The following KLC1 variants were observed in gnomAD, a reference collection of about 807,000 sequenced individuals.
KLC1 encodes the protein kinesin light chain 1.
A neutral mutation model predicts 84.2 loss-of-function variants in KLC1; 30 were observed. The observed-to-expected ratio is 0.36, with a 90% confidence interval of 0.27 to 0.48. The LOEUF (loss-of-function observed/expected upper bound fraction) is 0.48, where lower values mean the gene tolerates loss of function less well. Ranked by LOEUF, KLC1 falls within the 20% of genes least tolerant of loss-of-function variation. The probability of loss-of-function intolerance (pLI) is 0.99; values close to 1 mark genes in which losing one functional copy is unlikely to be tolerated. For synonymous variants in KLC1, 289 were observed against 293.3 expected (o/e 0.99, Z 0.15); for missense variants, 499 against 805.4 (o/e 0.62, Z 4.60).
At chr14:103,636,791 C>T (rs1451819422) in intron 1 of KLC1, among the ~76,000 whole-genome samples, 1 of 151,988 alleles carries the variant, frequency 6.6e-6, no homozygotes, top group African/African-American at 2.4e-5. Flanking sequence ...GGCGCGATCT[C>T]GGCTCACTGC....
chr14:103,694,154 G>A lies in KLC1; in HGVS notation c.1848+1729G>A. 2.0e-6 allele frequency: 2 copies of A among 985,858 alleles called. No homozygotes were observed. Among genetic ancestry groups the A allele is most frequent in the Non-Finnish European group, 2.4e-6 (2 of 830,302 alleles). 61.1% of individuals were successfully genotyped at this position (985,858 alleles called of 1,614,324 possible). ...CATCTTCCGGGTCTCTCTTTCCAAG[G>A]TCCCCATGCCTGTGGCCCTGGGGCC... On this transcript the variant is annotated intron_variant, in intron 15 of 16. Transcript: ENST00000334553. This position sits in a 1 kb window ranked among gnomAD's most constrained non-coding sequence, Gnocchi z 4.5.
chr14:103,692,604 G>T (rs1163641710), intron 15 of KLC1, among the ~76,000 whole-genome samples, 179 bp downstream of exon 15: 5 of 152,158 alleles, frequency 3.3e-5, no homozygotes, highest in African/African-American at 1.2e-4. Flanking sequence ...CTTAACCACT[G>T]ATTATGTGAA....
At chr14:103,646,189 A>G (rs1440840992) in intron 1 of KLC1, among the ~76,000 whole-genome samples, 1 of 152,232 alleles carries the variant, frequency 6.6e-6, no homozygotes, top group Non-Finnish European at 1.5e-5. Context: ...CATATCTATC[A>G]GGGAGTTAGT....
intron 14 of KLC1, among the ~76,000 whole-genome samples, chr14:103,691,929 C>A (rs1436716768): frequency 6.6e-6 from 1 of 152,022 alleles, no homozygotes; most frequent in Non-Finnish European, 1.5e-5. Flanking sequence ...TGCCACCACG[C>A]CTGGCTAATT....
chr14:103,672,058 C>T (rs746756317), intron 7 of KLC1, among the ~76,000 whole-genome samples: 2 of 152,158 alleles, frequency 1.3e-5, no homozygotes, highest in African/African-American at 4.8e-5. Flanking sequence ...GACTGAGGAC[C>T]GCAGAGGGCA....
At chr14:103,650,736 G>A (rs1290526621) in intron 1 of KLC1, among the ~76,000 whole-genome samples, 3 of 151,696 alleles carry the variant, frequency 2.0e-5, no homozygotes, top group East Asian at 1.9e-4. Flanking sequence ...CTGCCACCAC[G>A]CCTGGCTAAT....
Position 103,692,377 on chromosome 14 carries a change from T to C in KLC1, c.1800T>C (p.Ser600=). ...PKNPGMKRAS[S]LNVLNVGGKA... Reference sequence around the variant, plus strand: ...GTTGCAGCATGAAGCGTGCCAGCTCTCTGAATGTCCTTAACGTGGGTGGCA... The same window carrying C: ...GTTGCAGCATGAAGCGTGCCAGCTCCCTGAATGTCCTTAACGTGGGTGGCA... Residue 600 remains serine, a synonymous_variant, in exon 15 of 17, where the codon TCT becomes TCC. Transcript: ENST00000334553. 2.6e-6 allele frequency: 4 copies of C among 1,536,720 alleles called. No individual in the cohort carries two copies. Among genetic ancestry groups the C allele is most frequent in the Non-Finnish European group, 3.5e-6 (4 of 1,147,040 alleles).
Position 103,670,274 on chromosome 14 carries a change from C to A in KLC1, c.978C>A (p.Ile326=). 6.2e-7 allele frequency: 1 copy of A among 1,608,968 alleles called. No homozygotes were observed. The highest frequency in any genetic ancestry group is 8.5e-7 in the Non-Finnish European group (1 of 1,176,840). ...CGTTGTGTAAAAGAGCTCTGGAAATCCGAGAAAAGGTACAAAAGAAGGGGG... is the reference window on the plus strand; with the variant it reads ...CGTTGTGTAAAAGAGCTCTGGAAATACGAGAAAAGGTACAAAAGAAGGGGG... ...AEPLCKRALE[I]REKVLGKDHP... The change falls in exon 7 of 17, where the codon ATC becomes ATA. Residue 326 remains isoleucine (I), a synonymous_variant. Transcript: ENST00000334553.
At chr14:103,669,458 A>C (rs1451192385) in intron 5 of KLC1, 53 bp from the exon 6 acceptor site, 4 of 1,064,486 alleles carry the variant, frequency 3.8e-6, no homozygotes, top group South Asian at 1.4e-5. Flanking sequence ...AAAAGAAAAG[A>C]AAAGCTGTAG....
At chr14:103,672,138 G>A (rs1448339114) in intron 7 of KLC1, among the ~76,000 whole-genome samples, 1 of 152,160 alleles carries the variant, frequency 6.6e-6, no homozygotes, top group Non-Finnish European at 1.5e-5. Context: ...GAGCCAGGGG[G>A]TGTTGGGGAT....
intron 14 of KLC1, among the ~76,000 whole-genome samples, chr14:103,690,094 C>T (rs2082006599): frequency 6.6e-6 from 1 of 151,804 alleles, no homozygotes; most frequent in Admixed American, 6.6e-5. Context: ...GCAGGAGAAT[C>T]ACTGGAACCC....
intron 15 of KLC1, chr14:103,700,419 G>T (rs969421943): frequency 1.3e-5 from 6 of 462,746 alleles, no homozygotes; most frequent in Non-Finnish European, 2.3e-5. Context: ...CGCACAGCTT[G>T]GTGAGCCATG....
intron 15 of KLC1, chr14:103,696,093 C>CG (rs1189283194): frequency 7.7e-6 from 1 of 129,320 alleles, no homozygotes; most frequent in African/African-American, 1.1e-4. Flanking sequence ...AATCACTGCG[C>CG]CCCCGCCCCC....
rs8007603 is a variant in KLC1, at chr14:103,655,182, G to C, written c.261+357G>C. 2.0e-5 allele frequency among the ~76,000 whole-genome samples: 3 copies of C among 152,092 alleles called. No individual in the cohort carries two copies. The East Asian group carries it at 5.8e-4, about 30-fold the overall frequency. On this transcript the variant is annotated intron_variant, in intron 2 of 16. Transcript: ENST00000334553. The stretch of plus-strand genomic sequence containing the variant: ...GCAGAGGTTGCAGGGAGCCAAAATT[G>C]CATCACTGCACTCCAGCCTGGGTGA...
chr14:103,669,044 C>T (rs2080148959), intron 5 of KLC1, among the ~76,000 whole-genome samples: 1 of 151,440 alleles, frequency 6.6e-6, no homozygotes, highest in African/African-American at 2.4e-5. Context: ...TCCCAAAGTG[C>T]TGAGATTACA....
intron 1 of KLC1, among the ~76,000 whole-genome samples, chr14:103,630,809 A>G (rs954356273): frequency 2.6e-5 from 4 of 152,228 alleles, no homozygotes; most frequent in African/African-American, 9.7e-5. Flanking sequence ...TAGGCACTCT[A>G]AAGAGCCAGT....
intron 1 of KLC1, among the ~76,000 whole-genome samples, chr14:103,638,560 C>T (rs2077225320): frequency 6.6e-6 from 1 of 150,970 alleles, no homozygotes; most frequent in South Asian, 2.1e-4. Context: ...TGTAAGCTTT[C>T]CCCACCTGGC....
At chr14:103,654,504 A>G (rs1476549593) in intron 1 of KLC1, 60 bp from the exon 2 acceptor site, 2 of 1,393,608 alleles carry the variant, frequency 1.4e-6, no homozygotes, top group East Asian at 2.3e-5. Context: ...TATTTACTTG[A>G]TGTAACAGAA....
Position 103,657,686 on chromosome 14 carries a change from T to C in KLC1, c.402T>C (p.Ser134=). 1 of 1,613,810 alleles carries C rather than the reference T, an allele frequency of 6.2e-7. No homozygotes were observed. The highest frequency in any genetic ancestry group is 1.1e-5 in the South Asian group (1 of 91,058). ...ACACGCAGCAGAAACTGCAGAAGAG[T>C]GAGCAGTCTGTGGCTCAACTGGAGG... is the stretch of plus-strand genomic sequence containing the variant. ...LANTQQKLQK[S]EQSVAQLEEE... Residue 134 remains serine (S), a synonymous_variant, in exon 3 of 17, where the codon AGT becomes AGC. Transcript: ENST00000334553.
Sources: gnomAD v4.1 joint callset for allele counts (sites outside exome capture counted in the v4.1 genomes callset) on GRCh38, gnomAD v4.1.1 for gene constraint, Gnocchi (gnomAD v3.1) non-coding constraint, MANE v1.5 for transcripts, NCBI Gene and HGNC (gene_info 2026-07-23, HGNC 2026-07-21) for gene names.